The following ATAD2B variants were observed in gnomAD, a reference collection of about 807,000 sequenced individuals.
The protein encoded by ATAD2B is ATPase family AAA domain containing 2B.
ATAD2B carries 40 observed loss-of-function variants against 167.6 expected under a neutral mutation model. The observed-to-expected ratio is 0.24, with a 90% CI of 0.19 to 0.31. The LOEUF (loss-of-function observed/expected upper bound fraction) is 0.31, where lower values mean the gene tolerates loss of function less well. ATAD2B is among the 10% of genes least tolerant of loss of function. ATAD2B has a pLI of 1.00. For synonymous variants in ATAD2B, 579 were observed against 596.5 expected (o/e 0.97, Z 0.43); for missense variants, 1,242 against 1,757.2 (o/e 0.71, Z 5.24).
intron 1 of ATAD2B, among the ~76,000 whole-genome samples, chr2:23,915,612 T>TTTTTA: frequency 2.0e-5 from 1 of 49,200 alleles, no homozygotes; most frequent in Non-Finnish European, 4.5e-5. Flanking sequence ...TTTTTTTTTT[T>TTTTTA]GAGACAGTCT....
chr2:23,785,001 T>A (rs1330392500), intron 21 of ATAD2B, among the ~76,000 whole-genome samples: 2 of 151,808 alleles, frequency 1.3e-5, no homozygotes, highest in Non-Finnish European at 2.9e-5. Context: ...GATAAGAGGA[T>A]CAAATGGAAA....
At chr2:23,901,725 A>G (rs1268425317) in intron 1 of ATAD2B, among the ~76,000 whole-genome samples, 1 of 152,128 alleles carries the variant, frequency 6.6e-6, no homozygotes, top group Non-Finnish European at 1.5e-5. Flanking sequence ...AAAACTTCTA[A>G]GAGTATTATG....
the ATAD2B span, among the ~76,000 whole-genome samples, chr2:23,681,562 C>G: frequency 6.6e-6 from 1 of 152,162 alleles, no homozygotes; most frequent in East Asian, 1.9e-4. The surrounding 1 kb of genome is among the most constrained non-coding windows in gnomAD (Gnocchi z 4.2). Flanking sequence ...CTGATTAACT[C>G]AGCAGGCATG....
At chr2:23,791,867 C>G (rs1681787865) in intron 19 of ATAD2B, among the ~76,000 whole-genome samples, 1 of 152,042 alleles carries the variant, frequency 6.6e-6, no homozygotes, top group Admixed American at 6.5e-5. Context: ...TGTTCAAGTC[C>G]CTGCTTTCAA....
intron 11 of ATAD2B, 123 bp downstream of exon 11, chr2:23,864,686 C>T (rs1227319208): frequency 4.2e-6 from 2 of 479,392 alleles, no homozygotes; most frequent in Non-Finnish European, 3.6e-6. Context: ...TCATTTCTAA[C>T]TGTCATTGCT....
At chr2:23,706,709 G>T in the ATAD2B span, 1 of 1,377,692 alleles carries the variant, frequency 7.3e-7, no homozygotes, top group South Asian at 1.6e-5. Flanking sequence ...AGTCTGGTGA[G>T]GCAAGTGCCA....
At chr2:23,706,397 C>T in the ATAD2B span, 3 of 1,130,034 alleles carry the variant, frequency 2.7e-6, no homozygotes, top group South Asian at 2.1e-5. Flanking sequence ...AGGCAGCCTA[C>T]AACAGGACAC....
chr2:23,743,577 A>AAG, the ATAD2B span, among the ~76,000 whole-genome samples: 11 of 150,418 alleles, frequency 7.3e-5, no homozygotes, highest in Non-Finnish European at 7.4e-5. Flanking sequence ...AAAAAAAAAA[A>AAG]AGAGAGAGAG....
chr2:23,758,237 T>G (rs1384959596), intron 24 of ATAD2B, 136 bp from the exon 25 acceptor site: 1 of 663,398 alleles, frequency 1.5e-6, no homozygotes, highest in East Asian at 2.8e-5. Flanking sequence ...GCTCTTGACA[T>G]TCATGCTGAC....
chr2:23,898,912 G>A lies in ATAD2B; in HGVS notation c.217-2942C>T, dbSNP rs1700449702. ...GCCTGTAATCCCAGCACTTTGCAAG[G>A]CCGAGGCGGGTGGATCACCTGAGGT... On this transcript the variant is annotated intron_variant, in intron 1 of 27. Transcript: ENST00000238789. Among the ~76,000 whole-genome samples the A allele has an allele frequency of 2.6e-5, 4 of 152,174 alleles. No homozygotes were observed. In the South Asian group the frequency reaches 8.3e-4, roughly 32 times the overall value.
chr2:23,805,470 T>G (rs1684216064), intron 18 of ATAD2B, among the ~76,000 whole-genome samples: 1 of 152,230 alleles, frequency 6.6e-6, no homozygotes, highest in African/African-American at 2.4e-5. Flanking sequence ...ATAACTAATT[T>G]TAGCTGGTCC....
At chr2:23,709,945 T>C in the ATAD2B span, among the ~76,000 whole-genome samples, 1 of 152,172 alleles carries the variant, frequency 6.6e-6, no homozygotes, top group Non-Finnish European at 1.5e-5. Flanking sequence ...GACTTAACTC[T>C]GGGGGGTGAA....
chr2:23,899,665 A>G (rs1318450141), intron 1 of ATAD2B, among the ~76,000 whole-genome samples: 1 of 151,966 alleles, frequency 6.6e-6, no homozygotes, highest in East Asian at 1.9e-4. Context: ...ATCTCAGCTC[A>G]CTGCAAGCTC....
At chr2:23,860,902 T>C (rs1479106793) in intron 12 of ATAD2B, among the ~76,000 whole-genome samples, 5 of 151,832 alleles carry the variant, frequency 3.3e-5, no homozygotes, top group African/African-American at 9.7e-5. Context: ...ACCCAGGAGG[T>C]GGAGGTTGCA....
chr2:23,860,270 T>A (rs78669950), intron 12 of ATAD2B, among the ~76,000 whole-genome samples: 8,080 of 152,304 alleles, frequency 0.053, 239 homozygotes, highest in Middle Eastern at 0.095. Flanking sequence ...AATTACACAG[T>A]CTGTGATCTT....
At chr2:23,711,383 G>T in the ATAD2B span, among the ~76,000 whole-genome samples, 4 of 54,822 alleles carry the variant, frequency 7.3e-5, no homozygotes, top group Non-Finnish European at 9.5e-5. Flanking sequence ...TTTTTTTTTT[G>T]GAGACAGAGT....
At chr2:23,769,903 C>G (rs1366855943) in intron 22 of ATAD2B, among the ~76,000 whole-genome samples, 1 of 150,388 alleles carries the variant, frequency 6.6e-6, no homozygotes, top group Non-Finnish European at 1.5e-5. Flanking sequence ...AGGCTGGTCT[C>G]CAACTCCTGA....
intron 17 of ATAD2B, among the ~76,000 whole-genome samples, chr2:23,813,949 T>C (rs1215416213): frequency 1.3e-5 from 2 of 151,972 alleles, no homozygotes; most frequent in Non-Finnish European, 2.9e-5. Context: ...AACAACCAAA[T>C]GGCATAAAGA....
intron 18 of ATAD2B, among the ~76,000 whole-genome samples, chr2:23,803,716 G>A (rs1683884766): frequency 6.6e-6 from 1 of 152,170 alleles, no homozygotes; most frequent in Admixed American, 6.5e-5. Context: ...ATATTCTTGT[G>A]CATGTATGTT....
Sources: allele counts gnomAD v4.1 joint callset (sites outside exome capture counted in the v4.1 genomes callset), GRCh38; gene constraint gnomAD v4.1.1; non-coding constraint Gnocchi (gnomAD v3.1); transcripts MANE v1.5; gene names NCBI Gene and HGNC (gene_info 2026-07-23, HGNC 2026-07-21).